The following NCOR2 variants were observed in gnomAD, a reference collection of about 807,000 sequenced individuals.
NCOR2 encodes the protein nuclear receptor corepressor 2.
Under a neutral mutation model 262.9 loss-of-function variants are expected in NCOR2, and 81 were observed. The ratio of observed to expected loss-of-function variants is 0.31; its 90% CI spans 0.26 to 0.37. The LOEUF is 0.37. Ranked by LOEUF, NCOR2 falls within the 10% of genes least tolerant of loss-of-function variation. The pLI is 1.00. For missense variants in NCOR2, 3,385 were observed against 3,621.4 expected, an observed-to-expected ratio of 0.93 and a Z score of 1.68; for synonymous variants, 1,659 against 1,559.3, an observed-to-expected ratio of 1.06 and a Z score of -1.51.
At chr12:124,565,300 G>A (rs1253434727) in intron 1 of NCOR2, among the ~76,000 whole-genome samples, 2 of 152,110 alleles carry the variant, frequency 1.3e-5, no homozygotes, top group Non-Finnish European at 1.5e-5. Flanking sequence ...ACCCGCTGGC[G>A]GTGGCAGCAG....
intron 31 of NCOR2, among the ~76,000 whole-genome samples, chr12:124,346,138 TAC>T (rs1194570304): frequency 6.6e-6 from 1 of 152,146 alleles, no homozygotes; most frequent in East Asian, 1.9e-4. Flanking sequence ...AACCTCAATT[TAC>T]TCAGCAATAA....
intron 1 of NCOR2, among the ~76,000 whole-genome samples, chr12:124,491,031 A>G (rs2048055059): frequency 1.3e-5 from 2 of 152,270 alleles, no homozygotes; most frequent in African/African-American, 4.8e-5. Context: ...CTAGGGCCCA[A>G]GGCCAAGGCA....
Position 124,378,641 on chromosome 12 carries a change from C to A in NCOR2, c.2020-257G>T, listed in dbSNP as rs1408904616. ...CCCCTCAGCCACCCTGACATCCTTC[C>A]TGAGCACGAGAGAACCTGCCTGACA... On this transcript the variant is annotated intron_variant, in intron 17 of 46. Transcript: ENST00000405201. This position sits in a 1 kb window ranked among gnomAD's most constrained non-coding sequence, Gnocchi z 4.2. 1.3e-5 allele frequency among the ~76,000 whole-genome samples: 2 copies of A among 152,218 alleles called. No homozygotes were observed. Among genetic ancestry groups the A allele is most frequent in the South Asian group, 2.1e-4 (1 of 4,834 alleles).
chr12:124,357,778 G>C (rs73223579), intron 22 of NCOR2, among the ~76,000 whole-genome samples: 25,387 of 152,326 alleles, frequency 0.17, 2,428 homozygotes, highest in Admixed American at 0.26. Context: ...CAATGTTGAA[G>C]GAGGTAACCT....
At chr12:124,520,740 T>A (rs1036166085) in intron 1 of NCOR2, among the ~76,000 whole-genome samples, 1 of 152,174 alleles carries the variant, frequency 6.6e-6, no homozygotes, top group Non-Finnish European at 1.5e-5. Context: ...TCTGGTTATC[T>A]GCTCAGCAAA....
intron 15 of NCOR2, among the ~76,000 whole-genome samples, chr12:124,399,921 A>AG: frequency 6.6e-6 from 1 of 152,238 alleles, no homozygotes; most frequent in South Asian, 2.1e-4. Flanking sequence ...TCTCAACAGA[A>AG]GGGGAAACTG....
intron 22 of NCOR2, among the ~76,000 whole-genome samples, chr12:124,358,255 CAAT>C (rs1025852276): frequency 2.8e-5 from 4 of 143,444 alleles, no homozygotes; most frequent in African/African-American, 1.1e-4. Flanking sequence ...TGCCTGTACA[CAAT>C]GTTGAAGGAC....
chr12:124,412,922 G>T (rs1417244537), intron 13 of NCOR2, among the ~76,000 whole-genome samples: 3 of 139,236 alleles, frequency 2.2e-5, no homozygotes, highest in Non-Finnish European at 3.4e-5. Flanking sequence ...GCCTCAGACA[G>T]GGGGAACTCC....
intron 8 of NCOR2, among the ~76,000 whole-genome samples, chr12:124,437,298 A>G (rs1339378012): frequency 4.6e-5 from 7 of 152,110 alleles, no homozygotes; most frequent in Admixed American, 4.6e-4. Context: ...CCTCCGGGGA[A>G]TGGGTGATGG....
intron 20 of NCOR2, among the ~76,000 whole-genome samples, chr12:124,365,705 C>T (rs1333311122): frequency 2.6e-5 from 4 of 152,004 alleles, no homozygotes; most frequent in Admixed American, 6.6e-5. Context: ...CCGCCCCCAC[C>T]GCCAGCCCAC....
At chr12:124,519,089 TAC>T (rs57438929) in intron 1 of NCOR2, among the ~76,000 whole-genome samples, 8,389 of 97,202 alleles carry the variant, frequency 0.086, 309 homozygotes, top group African/African-American at 0.098. Flanking sequence ...GGCCAAATAA[TAC>T]ACACACACAC....
At chr12:124,388,865 TGAGG>T (rs6144913) in intron 16 of NCOR2, 146,610 of 377,202 alleles carry the variant, frequency 0.39, 52,541 homozygotes, top group Admixed American at 0.72. Flanking sequence ...CGTCCCACGG[TGAGG>T]GAGGGAGGGA....
Position 124,482,432 on chromosome 12 carries a change from G to A in NCOR2, c.411+1164C>T, listed in dbSNP as rs1057249912. Among the ~76,000 whole-genome samples, 13 of 152,220 alleles carry A rather than the reference G, an allele frequency of 8.5e-5. No individual in the cohort carries two copies. Among genetic ancestry groups the A allele is most frequent in the South Asian group, 6.2e-4 (3 of 4,818 alleles). On this transcript the variant is annotated intron_variant, in intron 3 of 46. Transcript: ENST00000405201. The surrounding 1 kb of genome is among the most constrained non-coding windows in gnomAD (Gnocchi z 6.3). The stretch of plus-strand genomic sequence containing the variant: ...TTCCACGCAGGTATCCTCTCTCCCC[G>A]AGAGAAGGCCGAGTCTGGCCCAGGT...
chr12:124,483,386 CCCA>C lies in NCOR2; in HGVS notation c.411+207_411+209del, dbSNP rs1183935170. Reference sequence around the variant, plus strand: ...TGCTCTGCCCACCTGGAACACCTTCCCCACTTCTTCCCACACTCTGGCACCTCC... The same window carrying C: ...TGCTCTGCCCACCTGGAACACCTTCCCTTCTTCCCACACTCTGGCACCTCC... On this transcript the variant is annotated intron_variant, in intron 3 of 46. Coordinates refer to ENST00000405201, the Ensembl canonical transcript of NCOR2. The surrounding 1 kb of genome is among the most constrained non-coding windows in gnomAD (Gnocchi z 6.3). Among the ~76,000 whole-genome samples, 144 of 152,278 alleles carry C rather than the reference CCCA, an allele frequency of 9.5e-4. No homozygotes were observed. The highest frequency in any genetic ancestry group is 3.4e-3 in the African/African-American group (141 of 41,562).
Position 124,503,072 on chromosome 12 carries a change from C to A in NCOR2, c.-117-7704G>T, listed in dbSNP as rs932080932. The stretch of plus-strand genomic sequence containing the variant: ...AGGGTCAAATACTAAGAGCTCAATC[C>A]CGGGTGCCACCCACAAGGGTGCGGT... On this transcript the variant is annotated intron_variant, in intron 1 of 46. Transcript: ENST00000404621. The surrounding 1 kb of genome is among the most constrained non-coding windows in gnomAD (Gnocchi z 4.3). Among the ~76,000 whole-genome samples the A allele has an allele frequency of 6.6e-6, 1 of 152,234 alleles. No individual in the cohort carries two copies. The highest frequency in any genetic ancestry group is 1.5e-5 in the Non-Finnish European group (1 of 68,034).
rs759252656 is a variant in NCOR2 at position 124,340,207 on chromosome 12, G to A, written c.5489-3C>T. Reference sequence around the variant, plus strand: ...GCTGCCGCTGCTCTGCTCTGTACCTGGTGACAGTCAGTGGCATCAGCAGGG... The same window carrying A: ...GCTGCCGCTGCTCTGCTCTGTACCTAGTGACAGTCAGTGGCATCAGCAGGG... On this transcript the variant is annotated splice_polypyrimidine_tract_variant and splice_region_variant and intron_variant, in intron 36 of 46. Coordinates refer to ENST00000405201, the Ensembl canonical transcript of NCOR2. 3.1e-6 allele frequency: 4 copies of A among 1,290,422 alleles called. No homozygotes were observed. The East Asian group carries it at 1.1e-4, about 37-fold the overall frequency. 79.9% of individuals were successfully genotyped at this position (1,290,422 alleles called of 1,614,324 possible).
At chr12:124,354,604 G>T in intron 25 of NCOR2, 22 bp from the exon 28 acceptor site, 1 of 1,513,878 alleles carries the variant, frequency 6.6e-7, no homozygotes, top group African/African-American at 1.4e-5. Flanking sequence ...TAAGAGGAGC[G>T]AGTCACGTGC....
rs970831474 is a variant in NCOR2, at chr12:124,389,945, G to T, written c.1877-4058C>A. On this transcript the variant is annotated intron_variant, in intron 16 of 46. Coordinates refer to ENST00000405201, the Ensembl canonical transcript of NCOR2. This position sits in a 1 kb window ranked among gnomAD's most constrained non-coding sequence, Gnocchi z 4.4. Reference sequence around the variant, plus strand: ...ACTTTGGATCCTAGATTCAGGTCACGACCGACTTCCCTGACTCTGGGATCA... The same window carrying T: ...ACTTTGGATCCTAGATTCAGGTCACTACCGACTTCCCTGACTCTGGGATCA... 2.0e-5 allele frequency among the ~76,000 whole-genome samples: 3 copies of T among 152,116 alleles called. No individual in the cohort carries two copies. The highest frequency in any genetic ancestry group is 7.2e-5 in the African/African-American group (3 of 41,420).
chr12:124,439,983 G>A (rs2044717386), intron 7 of NCOR2, among the ~76,000 whole-genome samples: 2 of 151,944 alleles, frequency 1.3e-5, no homozygotes, highest in Admixed American at 1.3e-4. Flanking sequence ...GCTGCACCGA[G>A]ACCCCAGGAC....
Sources: allele counts gnomAD v4.1 joint callset (sites outside exome capture counted in the v4.1 genomes callset), GRCh38; gene constraint gnomAD v4.1.1; non-coding constraint Gnocchi (gnomAD v3.1); transcripts MANE v1.5; gene names NCBI Gene and HGNC (gene_info 2026-07-23, HGNC 2026-07-21).